Variants in ITGAL observed in about 807,000 individuals in gnomAD.
ITGAL encodes the protein integrin alpha-L.
A neutral mutation model predicts 138.4 loss-of-function variants in ITGAL; 68 were observed. The ratio of observed to expected loss-of-function variants is 0.49; its 90% CI spans 0.40 to 0.60. ITGAL has a LOEUF of 0.60. Among genes scored for constraint, ITGAL ranks in the 20% least tolerant of loss-of-function variants. ITGAL has a pLI of 0.00. For synonymous variants in ITGAL, 561 were observed against 584.3 expected, an observed-to-expected ratio of 0.96 and a Z score of 0.57; for missense variants, 1,256 against 1,478.6, an observed-to-expected ratio of 0.85 and a Z score of 2.47.
chr16:30,517,487 G>A (rs1460587491), intron 26 of ITGAL, among the ~76,000 whole-genome samples, 162 bp from the exon 27 acceptor site: 1 of 152,076 alleles, frequency 6.6e-6, no homozygotes, highest in Non-Finnish European at 1.5e-5. Flanking sequence ...AAGGGGGCAA[G>A]GCTGGGTGTA....
chr16:30,503,585 AAAG>A (rs1472352404), intron 17 of ITGAL, among the ~76,000 whole-genome samples: 3 of 151,580 alleles, frequency 2.0e-5, no homozygotes, highest in Non-Finnish European at 4.4e-5. Flanking sequence ...GAGGGAGGGA[AAAG>A]AAGAAAGAAA....
chr16:30,518,859 A>G, intron 29 of ITGAL, 140 bp downstream of exon 29: 1 of 670,954 alleles, frequency 1.5e-6, no homozygotes, highest in Non-Finnish European at 2.7e-6. Context: ...GCCTGGGAGA[A>G]GCTTCTTCTC....
chr16:30,509,943 G>C (rs1380762409), intron 21 of ITGAL, among the ~76,000 whole-genome samples: 2 of 151,974 alleles, frequency 1.3e-5, no homozygotes, highest in Non-Finnish European at 2.9e-5. Flanking sequence ...GGAGGCTGAG[G>C]CAGGAGGATC....
At chr16:30,492,314 G>A (rs1182267684) in intron 11 of ITGAL, among the ~76,000 whole-genome samples, 1 of 147,232 alleles carries the variant, frequency 6.8e-6, no homozygotes, top group African/African-American at 2.5e-5. Context: ...GAAGTGGCGC[G>A]ATCTTAGCTC....
chr16:30,482,677 T>C (rs2050577359), intron 7 of ITGAL, among the ~76,000 whole-genome samples: 1 of 151,838 alleles, frequency 6.6e-6, no homozygotes, highest in Non-Finnish European at 1.5e-5. Flanking sequence ...TGGATGGAGA[T>C]TGGAGAAGCA....
At chr16:30,520,272 A>G (rs901884888) in intron 30 of ITGAL, among the ~76,000 whole-genome samples, 2 of 152,154 alleles carry the variant, frequency 1.3e-5, no homozygotes, top group Non-Finnish European at 2.9e-5. Flanking sequence ...CGCCTCTACA[A>G]AAAATTTTAA....
rs779917848 is a variant in ITGAL at position 30,511,107 on chromosome 16, C to T, written c.2757C>T (p.Ile919=). ...ACTCAGCCACTACCATCATCCCCAT[C>T]CTGTACCCCATCAACATCCTCATCC... ...EDNSATTIIP[I]LYPINILIQD... is the part of the protein sequence containing the mutation. The change falls in exon 24 of 31, where the codon ATC becomes ATT. Residue 919 remains isoleucine, a synonymous_variant. Transcript: ENST00000356798. The T allele has an allele frequency of 3.7e-6, 6 of 1,613,844 alleles. No individual in the cohort carries two copies. The highest frequency in any genetic ancestry group is 4.2e-6 in the Non-Finnish European group (5 of 1,179,778).
At chr16:30,486,627 C>T (rs900411896) in intron 9 of ITGAL, among the ~76,000 whole-genome samples, 1 of 151,978 alleles carries the variant, frequency 6.6e-6, no homozygotes, top group African/African-American at 2.4e-5. Flanking sequence ...GGTGCAAGCC[C>T]AGGGGCGGGG....
rs749226538 is a variant in ITGAL at position 30,496,286 on chromosome 16, C to G, written c.1693C>G (p.Pro565Ala). The change falls in exon 14 of 31, where the codon CCA becomes GCA. Residue 565 changes from proline (P) to alanine (A), a missense_variant. Coordinates refer to ENST00000356798, the MANE Select transcript of ITGAL (RefSeq NM_002209.3). ...GAGGCACGGGGGGCTTAGTCCCCAG[C>G]CAAGTCAGGTGACGTATGCTGCCTG... ...NGRHGGLSPQ[P>A]SQRIEGTQVL... The G allele has an allele frequency of 6.9e-6, 11 of 1,599,458 alleles. No individual in the cohort carries two copies. Among genetic ancestry groups the G allele is most frequent in the Non-Finnish European group, 9.4e-6 (11 of 1,171,258 alleles).
chr16:30,513,349 G>A lies in ITGAL; in HGVS notation c.2787-422G>A, dbSNP rs11574946. On this transcript the variant is annotated intron_variant, in intron 24 of 30. Coordinates refer to ENST00000356798, the MANE Select transcript of ITGAL (RefSeq NM_002209.3). ...TGACCCTCCCTCGCAGTAGGGGGCCGTTGGCCAATGCTGAGCAGGTGAGTG... is the reference window on the plus strand; with the variant it reads ...TGACCCTCCCTCGCAGTAGGGGGCCATTGGCCAATGCTGAGCAGGTGAGTG... 3.4e-3 allele frequency among the ~76,000 whole-genome samples: 523 copies of A among 152,326 alleles called. 6 individuals are homozygous for A. Among genetic ancestry groups the A allele is most frequent in the Admixed American group, 8.2e-3 (125 of 15,296 alleles).
chr16:30,513,920 A>G (rs2051128527), intron 25 of ITGAL, 74 bp downstream of exon 25: 4 of 1,096,722 alleles, frequency 3.6e-6, no homozygotes, highest in Middle Eastern at 2.0e-4. Flanking sequence ...GGATGCAGGC[A>G]CCAAGTAGAC....
chr16:30,494,600 G>T lies in ITGAL; in HGVS notation c.1366-113G>T. ...GCACATAGACTAGGGGTGGATCCAAGATTGGAACCTGCATTTGAGGGAGTG... is the reference window on the plus strand; with the variant it reads ...GCACATAGACTAGGGGTGGATCCAATATTGGAACCTGCATTTGAGGGAGTG... On this transcript the variant is annotated intron_variant, in intron 12 of 30. Transcript: ENST00000356798. This position sits in a 1 kb window ranked among gnomAD's most constrained non-coding sequence, Gnocchi z 4.2. 7.4e-7 allele frequency: 1 copy of T among 1,343,178 alleles called. No homozygotes were observed. The highest frequency in any genetic ancestry group is 1.0e-6 in the Non-Finnish European group (1 of 997,888). The allele number at this position is 1,343,178 out of a possible 1,614,324, so 83.2% of individuals were successfully genotyped here. A position where few individuals can be genotyped will look rare whatever the true frequency, so the allele number is the denominator to read the frequency against.
chr16:30,481,065 G>A, intron 6 of ITGAL: 1 of 228,910 alleles, frequency 4.4e-6, no homozygotes, highest in Non-Finnish European at 8.6e-6. Context: ...ACTTTGGGAG[G>A]CTGAGGCAGG....
At position 30,479,365 on chromosome 16, in the gene ITGAL, G is replaced by A. The variant is rs142110125; in HGVS notation, c.480G>A (p.Leu160=). 434 of 1,613,986 alleles carry A rather than the reference G, an allele frequency of 2.7e-4. No individual in the cohort carries two copies. The highest frequency in any genetic ancestry group is 3.5e-4 in the Non-Finnish European group (418 of 1,180,038). ...CIKGNVDLVF[L]FDGSMSLQPD... Reference sequence around the variant, plus strand: ...AGGGCAACGTAGACCTGGTATTTCTGTTTGATGGTTCGATGAGCTTGCAGC... The same window carrying A: ...AGGGCAACGTAGACCTGGTATTTCTATTTGATGGTTCGATGAGCTTGCAGC... Residue 160 remains leucine, a synonymous_variant, in exon 6 of 31, where the codon CTG becomes CTA. Transcript: ENST00000356798.
chr16:30,489,486 G>A (rs1296590716), intron 11 of ITGAL, 100 bp downstream of exon 11: 7 of 1,168,500 alleles, frequency 6.0e-6, no homozygotes, highest in Non-Finnish European at 8.7e-6. Flanking sequence ...TAAGCAACCA[G>A]CATGAACAAA....
At position 30,472,862 on chromosome 16, in the gene ITGAL, A is replaced by G. The variant is rs778595234; in HGVS notation, c.25A>G (p.Met9Val). The G allele has an allele frequency of 1.2e-6, 2 of 1,613,022 alleles. No individual in the cohort carries two copies. The highest frequency in any genetic ancestry group is 1.7e-6 in the Non-Finnish European group (2 of 1,179,824). ...GATGAAGGATTCCTGCATCACTGTG[A>G]TGGCCATGGCGCTGCTGTCTGGGTT... MKDSCITV[M>V]AMALLSGFFF... The change falls in exon 1 of 31, where the codon ATG (methionine) becomes GTG (valine). Residue 9 changes from methionine (M) to valine (V), a missense_variant. By Grantham distance (21) the Met-to-Val change is conservative (BLOSUM62 1). This residue lies in a region of ITGAL where 212 missense variants were observed against 217.4 expected (regional missense o/e 0.98). Transcript: ENST00000356798.
Position 30,505,443 on chromosome 16 carries a change from G to C in ITGAL, c.2347G>C (p.Val783Leu). 1 of 1,613,890 alleles carries C rather than the reference G, an allele frequency of 6.2e-7. No individual in the cohort carries two copies. Among genetic ancestry groups the C allele is most frequent in the Non-Finnish European group, 8.5e-7 (1 of 1,179,958 alleles). Reference sequence around the variant, plus strand: ...CAAGAAGTGTGAGGCAAACTTGAGAGTGTCCTTCTCTCCTGCAAGGTCAGT... The same window carrying C: ...CAAGAAGTGTGAGGCAAACTTGAGACTGTCCTTCTCTCCTGCAAGGTCAGT... Reference protein sequence around the residue: ...EDKKCEANLRVSFSPARSRAL... With the variant: ...EDKKCEANLRLSFSPARSRAL... Residue 783 changes from valine (V) to leucine (L), a missense_variant, in exon 20 of 31, where the codon GTG becomes CTG. Physicochemically the swap from Val to Leu is conservative, Grantham distance 32. Around this residue, in one of 3 missense-constraint regions of ITGAL, gnomAD observed 867 missense variants for 972.5 expected, o/e 0.89. Transcript: ENST00000356798.
chr16:30,515,934 C>T (rs1277865004), intron 25 of ITGAL, among the ~76,000 whole-genome samples: 2 of 150,994 alleles, frequency 1.3e-5, no homozygotes, highest in East Asian at 2.0e-4. Flanking sequence ...ATCGTGCCAT[C>T]GCACTCCAGC....
In ITGAL at chr16:30,521,765, A is replaced by G. The variant is rs1821610043; in HGVS notation, c.*100A>G. ...TCTGCCGTGTGCCCTCGGGCGAGTC[A>G]CTGCCTCTCCCTGGCCCTCAGTTTC... On this transcript the variant is annotated 3_prime_UTR_variant, in exon 31 of 31. Coordinates refer to ENST00000356798, the MANE Select transcript of ITGAL (RefSeq NM_002209.3). 10 of 1,164,040 alleles carry G rather than the reference A, an allele frequency of 8.6e-6. No individual in the cohort carries two copies. The highest frequency in any genetic ancestry group is 1.1e-5 in the Non-Finnish European group (9 of 828,292). 72.1% of individuals were successfully genotyped at this position (1,164,040 alleles called of 1,614,324 possible). A position where few individuals can be genotyped will look rare whatever the true frequency, so the allele number is the denominator to read the frequency against.
Sources: allele counts gnomAD v4.1 joint callset (sites outside exome capture counted in the v4.1 genomes callset), GRCh38; gene constraint gnomAD v4.1.1; regional missense constraint gnomAD v4.1.1; non-coding constraint Gnocchi (gnomAD v3.1); transcripts MANE v1.5; gene names NCBI Gene and HGNC (gene_info 2026-07-23, HGNC 2026-07-21).